Variants in SGCD observed in about 807,000 individuals in gnomAD.
SGCD encodes the protein delta-sarcoglycan.
SGCD carries 18 observed loss-of-function variants against 36.6 expected under a neutral mutation model. The ratio of observed to expected loss-of-function variants is 0.49; its 90% confidence interval spans 0.34 to 0.73. The LOEUF is 0.73. Among genes scored for constraint, SGCD ranks in the 30% least tolerant of loss-of-function variants. The pLI is 0.01. For synonymous variants in SGCD, 133 were observed against 130.6 expected, an observed-to-expected ratio of 1.02 and a Z score of -0.12; for missense variants, 387 against 346.7, an observed-to-expected ratio of 1.12 and a Z score of -0.92.
Position 156,152,483 on chromosome 5 carries a change from A to C in SGCD, c.-44+28464A>C, listed in dbSNP as rs575236506. On this transcript the variant is annotated intron_variant, in intron 3 of 9. Coordinates refer to the SGCD transcript ENST00000517913. Reference sequence around the variant, plus strand: ...TCTTGAAATGCATATACCAAGTTCAAATTGAGACGTGCTCTAAGTGCAAAA... The same window carrying C: ...TCTTGAAATGCATATACCAAGTTCACATTGAGACGTGCTCTAAGTGCAAAA... Among the ~76,000 whole-genome samples, 42 of 151,786 alleles carry C rather than the reference A, an allele frequency of 2.8e-4. 2 individuals are homozygous for C. Among genetic ancestry groups the C allele is most frequent in the African/African-American group, 9.5e-4 (39 of 41,102 alleles).
chr5:156,227,235 T>C (rs1166280587), intron 3 of SGCD, among the ~76,000 whole-genome samples: 1 of 152,164 alleles, frequency 6.6e-6, no homozygotes, highest in African/African-American at 2.4e-5. Context: ...TACTTTGAGG[T>C]GTTAGGTTTA....
chr5:155,859,549 C>G, the SGCD span, among the ~76,000 whole-genome samples: 10 of 152,202 alleles, frequency 6.6e-5, no homozygotes, highest in African/African-American at 2.2e-4. Flanking sequence ...ATCTTTTCCT[C>G]TAATCCTTGG....
intron 6 of SGCD, among the ~76,000 whole-genome samples, chr5:156,645,305 CAG>C (rs1210038460): frequency 6.6e-6 from 1 of 151,902 alleles, no homozygotes; most frequent in Non-Finnish European, 1.5e-5. Context: ...TCTGAGAAAA[CAG>C]AGAGAGGATG....
At chr5:156,494,227 A>C (rs1221108197) in intron 3 of SGCD, among the ~76,000 whole-genome samples, 1 of 152,026 alleles carries the variant, frequency 6.6e-6, no homozygotes, top group Non-Finnish European at 1.5e-5. Context: ...CTTCCAAGAG[A>C]GATACTGTTA....
intron 1 of SGCD, among the ~76,000 whole-genome samples, chr5:155,901,312 C>A (rs1386352963): frequency 2.4e-5 from 3 of 126,048 alleles, no homozygotes; most frequent in Non-Finnish European, 4.8e-5. Flanking sequence ...AACTCCATCT[C>A]AGAGAAAAAA....
At chr5:156,040,941 C>T (rs1192749581) in intron 1 of SGCD, among the ~76,000 whole-genome samples, 3 of 152,178 alleles carry the variant, frequency 2.0e-5, no homozygotes, top group Non-Finnish European at 4.4e-5. Context: ...ATTAATAAAA[C>T]ATCATCAGAT....
chr5:155,931,978 G>A (rs992468111), intron 1 of SGCD, among the ~76,000 whole-genome samples: 2 of 152,172 alleles, frequency 1.3e-5, no homozygotes, highest in African/African-American at 2.4e-5. Context: ...GGTAGAAGGT[G>A]TGAAGATTCT....
At chr5:156,355,828 G>A (rs1251857229) in intron 3 of SGCD, among the ~76,000 whole-genome samples, 1 of 152,148 alleles carries the variant, frequency 6.6e-6, no homozygotes, top group Non-Finnish European at 1.5e-5. Flanking sequence ...ATAGGGATGG[G>A]GTTTCGCCAT....
chr5:156,344,535 C>G lies in SGCD; in HGVS notation c.50C>G (p.Ser17Cys). ...YTHHRSTMPG[S>C]VGPQVYKVGI... ...CACCACCGGAGCACCATGCCTGGCT[C>G]TGTGGGGCCACAGGTATACAAGGTG... The change falls in exon 3 of 9, where the codon TCT becomes TGT. Residue 17 changes from serine to cysteine, a missense_variant. By Grantham distance (112) the Ser-to-Cys change is moderately radical. Transcript: ENST00000337851. 1 of 1,610,764 alleles carries G rather than the reference C, an allele frequency of 6.2e-7. No homozygotes were observed. Among genetic ancestry groups the G allele is most frequent in the South Asian group, 1.1e-5 (1 of 90,218 alleles).
At chr5:156,463,819 A>G (rs1233376728) in intron 3 of SGCD, among the ~76,000 whole-genome samples, 5 of 152,004 alleles carry the variant, frequency 3.3e-5, no homozygotes, top group African/African-American at 1.2e-4. Context: ...ACATGGCAAG[A>G]CCTCATATCT....
intron 3 of SGCD, among the ~76,000 whole-genome samples, chr5:156,141,845 T>G (rs1350343743): frequency 6.6e-6 from 1 of 152,194 alleles, no homozygotes; most frequent in African/African-American, 2.4e-5. Flanking sequence ...ATACCTCATA[T>G]GCAAGGAAAT....
intron 7 of SGCD, among the ~76,000 whole-genome samples, chr5:156,751,032 T>C (rs1446322733): frequency 2.0e-5 from 3 of 152,200 alleles, no homozygotes; most frequent in Non-Finnish European, 2.9e-5. Flanking sequence ...CCAAAATGTA[T>C]GTGGAAGACC....
At chr5:156,637,477 C>G (rs139296071) in intron 6 of SGCD, among the ~76,000 whole-genome samples, 1 of 152,156 alleles carries the variant, frequency 6.6e-6, no homozygotes, top group Non-Finnish European at 1.5e-5. Flanking sequence ...CTCCAGATAT[C>G]ATGCTGATAT....
intron 7 of SGCD, among the ~76,000 whole-genome samples, chr5:156,752,576 A>G (rs781322083): frequency 6.6e-6 from 1 of 152,082 alleles, no homozygotes; most frequent in Non-Finnish European, 1.5e-5. Context: ...TCCATTTAGT[A>G]GAGACGGGGT....
At chr5:155,932,984 C>A (rs1258362606) in intron 1 of SGCD, among the ~76,000 whole-genome samples, 3 of 152,084 alleles carry the variant, frequency 2.0e-5, no homozygotes, top group Non-Finnish European at 4.4e-5. Context: ...TCCCTTGCTC[C>A]TACCTCTTCT....
chr5:156,449,706 G>T (rs1164667218), intron 3 of SGCD, among the ~76,000 whole-genome samples: 1 of 108,988 alleles, frequency 9.2e-6, no homozygotes, highest in Non-Finnish European at 1.9e-5. Context: ...AAAAAAATCA[G>T]CCGGGCATAG....
intron 7 of SGCD, among the ~76,000 whole-genome samples, chr5:156,676,460 T>C (rs572021128): frequency 7.2e-5 from 11 of 152,350 alleles, no homozygotes; most frequent in African/African-American, 1.9e-4. Context: ...GAACAGACAC[T>C]GCGAATGAGT....
intron 3 of SGCD, among the ~76,000 whole-genome samples, chr5:156,197,197 G>T (rs548689683): frequency 1.4e-4 from 22 of 152,262 alleles, no homozygotes; most frequent in African/African-American, 5.3e-4. Flanking sequence ...CCATGGAGGG[G>T]TCAAAGAGTA....
intron 1 of SGCD, among the ~76,000 whole-genome samples, chr5:156,067,904 G>C (rs763351955): frequency 7.0e-5 from 9 of 128,828 alleles, no homozygotes; most frequent in African/African-American, 1.4e-4. Flanking sequence ...CGTCTTCTGC[G>C]TCGCTCACGC....
Sources: gnomAD v4.1 joint callset for allele counts (sites outside exome capture counted in the v4.1 genomes callset) on GRCh38, gnomAD v4.1.1 for gene constraint, MANE v1.5 for transcripts, NCBI Gene and HGNC (gene_info 2026-07-23, HGNC 2026-07-21) for gene names.